EXTL3: variants seen among roughly 807,000 people sequenced by gnomAD.
EXTL3 encodes exostosin-like 3.
A neutral mutation model predicts 69.3 loss-of-function variants in EXTL3; 27 were observed. The ratio of observed to expected loss-of-function variants is 0.39; its 90% CI spans 0.29 to 0.54. EXTL3 has a LOEUF of 0.54. Ranked by LOEUF, EXTL3 falls within the 20% of genes least tolerant of loss-of-function variation. The pLI is 0.69. For synonymous variants in EXTL3, 511 were observed against 499.4 expected, an observed-to-expected ratio of 1.02 and a Z score of -0.31; for missense variants, 1,003 against 1,231.8, an observed-to-expected ratio of 0.81 and a Z score of 2.78.
chr8:28,691,261 A>T (rs1800609218), intron 1 of EXTL3, among the ~76,000 whole-genome samples: 1 of 152,234 alleles, frequency 6.6e-6, no homozygotes, highest in South Asian at 2.1e-4. Flanking sequence ...AATCCTTTCA[A>T]TTGAATCATT....
At chr8:28,680,864 G>C (rs1464588371) in intron 1 of EXTL3, among the ~76,000 whole-genome samples, 1 of 152,060 alleles carries the variant, frequency 6.6e-6, no homozygotes, top group Admixed American at 6.6e-5. Context: ...GTTCATCCTT[G>C]TTGTTACAAA....
In EXTL3 at chr8:28,671,074, G is replaced by A. The variant is rs186198679; in HGVS notation, c.-52-42383G>A. Among the ~76,000 whole-genome samples the A allele has an allele frequency of 7.3e-4, 111 of 151,304 alleles. 4 individuals carry two copies. In the East Asian group the frequency reaches 0.02, roughly 27 times the overall value. ...TGGCTCACTGCAGCCTCCGCCTCCCGGGTTGAAGCGATTCTCCTGCCTCTG... is the reference window on the plus strand; with the variant it reads ...TGGCTCACTGCAGCCTCCGCCTCCCAGGTTGAAGCGATTCTCCTGCCTCTG... On this transcript the variant is annotated intron_variant, in intron 1 of 6. Coordinates refer to the EXTL3 transcript ENST00000523149.
At chr8:28,709,836 AG>A (rs1800997885) in intron 1 of EXTL3, among the ~76,000 whole-genome samples, 1 of 152,104 alleles carries the variant, frequency 6.6e-6, no homozygotes, top group Non-Finnish European at 1.5e-5. Context: ...GTGGAGGTGG[AG>A]GGGCGAGAAG....
At chr8:28,731,894 T>C (rs1219727725) in intron 4 of EXTL3, among the ~76,000 whole-genome samples, 1 of 152,000 alleles carries the variant, frequency 6.6e-6, no homozygotes, top group Non-Finnish European at 1.5e-5. Context: ...ATGATGATGA[T>C]GATGATGATG....
chr8:28,655,023 A>T (rs771705643), intron 1 of EXTL3, among the ~76,000 whole-genome samples: 13 of 152,172 alleles, frequency 8.5e-5, no homozygotes, highest in Non-Finnish European at 1.6e-4. Flanking sequence ...GACCCTCATC[A>T]TTTACCTTGT....
intron 1 of EXTL3, among the ~76,000 whole-genome samples, chr8:28,649,880 C>T (rs1013073742): frequency 1.3e-5 from 2 of 151,816 alleles, no homozygotes; most frequent in East Asian, 1.9e-4. Flanking sequence ...AAGCTATAAG[C>T]AGTAAGGTAA....
At chr8:28,648,498 C>G (rs1309930806) in intron 1 of EXTL3, among the ~76,000 whole-genome samples, 3 of 152,184 alleles carry the variant, frequency 2.0e-5, no homozygotes, top group African/African-American at 7.2e-5. Context: ...AGAATAACAT[C>G]TCGTAGTCAC....
intron 1 of EXTL3, among the ~76,000 whole-genome samples, chr8:28,693,579 T>A (rs1417746530): frequency 1.3e-5 from 2 of 152,252 alleles, no homozygotes. Context: ...AATAGTTTCT[T>A]AACAATAAAA....
intron 1 of EXTL3, among the ~76,000 whole-genome samples, chr8:28,701,951 C>T (rs995349374): frequency 2.0e-5 from 3 of 152,068 alleles, no homozygotes; most frequent in African/African-American, 7.2e-5. Flanking sequence ...CCCACACGCC[C>T]TCTCTCGTCC....
At chr8:28,699,408 C>G (rs1322282238), upstream of EXTL3, 3 of 152,626 alleles carry the variant, frequency 2.0e-5, no homozygotes, top group Non-Finnish European at 4.4e-5. Flanking sequence ...CTAGAGGAGA[C>G]TGAGACAGGG....
intron 3 of EXTL3, among the ~76,000 whole-genome samples, chr8:28,726,678 C>T (rs138595318): frequency 1.3e-5 from 2 of 152,112 alleles, no homozygotes; most frequent in East Asian, 3.9e-4. Context: ...GCAAGTAGCG[C>T]ACCCTTTTCT....
At chr8:28,743,339 C>T (rs1000230923) in intron 6 of EXTL3, 125 bp downstream of exon 6, 1 of 1,100,450 alleles carries the variant, frequency 9.1e-7, no homozygotes, top group African/African-American at 1.5e-5. Flanking sequence ...ATGATACTAC[C>T]TACCTCATCA....
At chr8:28,702,709 C>G (rs79920608) in intron 1 of EXTL3, among the ~76,000 whole-genome samples, 1,882 of 151,930 alleles carry the variant, frequency 0.012, 33 homozygotes, top group African/African-American at 0.042. Context: ...TCCATTATTT[C>G]CCCCATATGT....
intron 1 of EXTL3, among the ~76,000 whole-genome samples, chr8:28,624,304 C>T (rs1806459370): frequency 6.6e-6 from 1 of 152,154 alleles, no homozygotes; most frequent in Non-Finnish European, 1.5e-5. Context: ...TGGCTCACAC[C>T]TGTAATCCTA....
intron 1 of EXTL3, among the ~76,000 whole-genome samples, chr8:28,657,488 A>AT (rs916327039): frequency 1.3e-5 from 2 of 152,114 alleles, no homozygotes; most frequent in African/African-American, 4.8e-5. Context: ...TTATGGGAAC[A>AT]TTTTTTTTAT....
At chr8:28,746,941 T>C (rs1026550320) in intron 6 of EXTL3, among the ~76,000 whole-genome samples, 1 of 152,224 alleles carries the variant, frequency 6.6e-6, no homozygotes, top group Non-Finnish European at 1.5e-5. Flanking sequence ...CCCAAAGTGC[T>C]GGGATTACAG....
intron 1 of EXTL3, among the ~76,000 whole-genome samples, chr8:28,690,714 A>G (rs762078332): frequency 6.6e-6 from 1 of 152,184 alleles, no homozygotes; most frequent in African/African-American, 2.4e-5. Flanking sequence ...GCGTCTCCAT[A>G]GTGTTGTCAC....
At chr8:28,641,588 G>A (rs560163467) in intron 1 of EXTL3, among the ~76,000 whole-genome samples, 27 of 151,172 alleles carry the variant, frequency 1.8e-4, no homozygotes, top group Middle Eastern at 3.4e-3. Flanking sequence ...GCGATTCTCC[G>A]GCCTCAGCCT....
chr8:28,702,219 C>A (rs1800821745), intron 1 of EXTL3, among the ~76,000 whole-genome samples: 1 of 152,224 alleles, frequency 6.6e-6, no homozygotes, highest in Non-Finnish European at 1.5e-5. Context: ...TTTTGCCGGG[C>A]TCGCCTCCTT....
Sources: gnomAD v4.1 joint callset for allele counts (sites outside exome capture counted in the v4.1 genomes callset) on GRCh38, gnomAD v4.1.1 for gene constraint, MANE v1.5 for transcripts, NCBI Gene and HGNC (gene_info 2026-07-23, HGNC 2026-07-21) for gene names.